The following CCDC138 variants were observed in gnomAD, a reference collection of about 807,000 sequenced individuals.
CCDC138 encodes coiled-coil domain containing 138, also known as coiled-coil domain-containing protein 138.
Under a neutral mutation model 82.3 loss-of-function variants are expected in CCDC138, and 66 were observed. The observed-to-expected ratio is 0.80, with a 90% confidence interval of 0.66 to 0.98. The LOEUF (loss-of-function observed/expected upper bound fraction) is 0.98. Ranked by LOEUF, CCDC138 falls within the 50% of genes least tolerant of loss-of-function variation. CCDC138 has a pLI of 0.00. For missense variants in CCDC138, 816 were observed against 758.9 expected, an observed-to-expected ratio of 1.08 and a Z score of -0.88; for synonymous variants, 297 against 265.4, an observed-to-expected ratio of 1.12 and a Z score of -1.16.
rs192789766 is a variant in CCDC138 at position 108,847,342 on chromosome 2, A to G, written c.1516+412A>G. Among the ~76,000 whole-genome samples, 164 of 152,316 alleles carry G rather than the reference A, an allele frequency of 1.1e-3. 4 individuals are homozygous for G. The highest frequency in any genetic ancestry group is 3.9e-4 in the East Asian group (2 of 5,182). On this transcript the variant is annotated intron_variant, in intron 12 of 14. Coordinates refer to ENST00000295124, the MANE Select transcript of CCDC138 (RefSeq NM_144978.3). ...CATGCTCATTTGTTGTATATTGTCTATGACTCTTTGCCCTACAGTGACAGA... is the reference window on the plus strand; with the variant it reads ...CATGCTCATTTGTTGTATATTGTCTGTGACTCTTTGCCCTACAGTGACAGA...
At chr2:108,844,534 G>A (rs955534130) in intron 11 of CCDC138, among the ~76,000 whole-genome samples, 1 of 152,142 alleles carries the variant, frequency 6.6e-6, no homozygotes, top group African/African-American at 2.4e-5. Context: ...TCCTGTCGGT[G>A]TTGGCAGCTG....
intron 14 of CCDC138, 128 bp downstream of exon 14, chr2:108,873,717 A>G (rs931435415): frequency 3.0e-5 from 18 of 590,474 alleles, no homozygotes; most frequent in African/African-American, 2.8e-4. Flanking sequence ...TGTGCCACAC[A>G]TAAAATACGC....
chr2:108,789,083 T>C (rs190670190), intron 3 of CCDC138, 117 bp downstream of exon 3: 274 of 930,058 alleles, frequency 2.9e-4, no homozygotes, highest in African/African-American at 2.3e-3. Context: ...AGGACAAGTA[T>C]AAGGCAGTCT....
chr2:108,881,422 CTT>C (rs1407521182), downstream of CCDC138, among the ~76,000 whole-genome samples: 1 of 152,254 alleles, frequency 6.6e-6, no homozygotes, highest in African/African-American at 2.4e-5. Context: ...ACCACTAAAA[CTT>C]TCTCCTTATC....
intron 5 of CCDC138, 91 bp from the exon 6 acceptor site, chr2:108,798,337 A>T: frequency 2.1e-6 from 3 of 1,435,074 alleles, no homozygotes; most frequent in Non-Finnish European, 2.8e-6. Context: ...CCTGAAAACC[A>T]CTTGGTTAAA....
Position 108,860,935 on chromosome 2 carries a change from CTTTTTTTTTTT to C in CCDC138, c.1693+3978_1693+3988del, listed in dbSNP as rs70956282. Reference sequence around the variant, plus strand: ...GGCTGTGAATCCATCTGGTCCAGGACTTTTTTTTTTTTTTTTTTTTTTTGGTTGGTAAGGTA... The same window carrying C: ...GGCTGTGAATCCATCTGGTCCAGGACTTTTTTTTTTTTGGTTGGTAAGGTA... On this transcript the variant is annotated intron_variant, in intron 13 of 14. Coordinates refer to ENST00000295124, the MANE Select transcript of CCDC138 (RefSeq NM_144978.3). 3.4e-4 allele frequency among the ~76,000 whole-genome samples: 13 copies of C among 37,914 alleles called. 1 individual carries two copies. Among genetic ancestry groups the C allele is most frequent in the Admixed American group, 1.0e-3 (2 of 1,986 alleles). 24.9% of individuals were successfully genotyped at this position (37,914 alleles called of 152,430 possible).
intron 7 of CCDC138, among the ~76,000 whole-genome samples, chr2:108,807,824 G>A (rs900304468): frequency 2.0e-5 from 3 of 152,068 alleles, no homozygotes; most frequent in African/African-American, 7.2e-5. Flanking sequence ...CACCATGTTG[G>A]CCAGGGTGGT....
At chr2:108,820,480 TTCAAGAAAC>T (rs1312217689) in intron 10 of CCDC138, among the ~76,000 whole-genome samples, 1 of 151,722 alleles carries the variant, frequency 6.6e-6, no homozygotes, top group African/African-American at 2.4e-5. Context: ...GGCATACAAG[TTCAAGAAAC>T]TCAAGGAACT....
chr2:108,832,120 C>T (rs546004219), intron 10 of CCDC138, among the ~76,000 whole-genome samples: 1 of 152,000 alleles, frequency 6.6e-6, no homozygotes, highest in African/African-American at 2.4e-5. Context: ...ACCTCCGCCT[C>T]CTGGGTTCAA....
intron 13 of CCDC138, among the ~76,000 whole-genome samples, chr2:108,857,174 G>C (rs1692762084): frequency 2.3e-5 from 3 of 128,690 alleles, no homozygotes; most frequent in African/African-American, 5.7e-5. Context: ...TGACTCCCTG[G>C]TTCAAGCAAT....
At chr2:108,831,702 T>TTCCTTCCG (rs1687668840) in intron 10 of CCDC138, among the ~76,000 whole-genome samples, 1 of 141,430 alleles carries the variant, frequency 7.1e-6, no homozygotes, top group Non-Finnish European at 1.6e-5. Flanking sequence ...GCACAGAATC[T>TTCCTTCCG]TCCTTCCTTC....
chr2:108,845,901 C>A (rs775426456), intron 11 of CCDC138, among the ~76,000 whole-genome samples: 1 of 152,110 alleles, frequency 6.6e-6, no homozygotes, highest in Non-Finnish European at 1.5e-5. Flanking sequence ...ATATCAAATA[C>A]CATTAGATCA....
At chr2:108,835,481 A>G (rs905274982) in intron 10 of CCDC138, among the ~76,000 whole-genome samples, 3 of 152,182 alleles carry the variant, frequency 2.0e-5, no homozygotes, top group Admixed American at 2.0e-4. Flanking sequence ...TTCACCACTG[A>G]TAACAGCGAT....
intron 6 of CCDC138, among the ~76,000 whole-genome samples, chr2:108,800,313 G>A (rs1359286142): frequency 1.3e-5 from 2 of 152,168 alleles, no homozygotes; most frequent in Admixed American, 1.3e-4. Flanking sequence ...CATCCAGGCT[G>A]GAGTACAGTG....
intron 13 of CCDC138, among the ~76,000 whole-genome samples, chr2:108,872,065 T>A (rs1050501670): frequency 6.6e-6 from 1 of 152,244 alleles, no homozygotes; most frequent in Admixed American, 6.5e-5. Flanking sequence ...TGAGAATGCC[T>A]GAGGCTTTTA....
intron 11 of CCDC138, among the ~76,000 whole-genome samples, chr2:108,841,927 T>C (rs998011917): frequency 6.6e-6 from 1 of 152,180 alleles, no homozygotes; most frequent in Non-Finnish European, 1.5e-5. Flanking sequence ...CTAATAGTTC[T>C]TCTTGGTATT....
At chr2:108,795,389 C>T (rs1680707383) in intron 5 of CCDC138, among the ~76,000 whole-genome samples, 1 of 152,076 alleles carries the variant, frequency 6.6e-6, no homozygotes, top group African/African-American at 2.4e-5. Flanking sequence ...CTTCTGACCT[C>T]AGGTGATCTG....
chr2:108,862,114 A>G (rs1693729850), intron 13 of CCDC138, among the ~76,000 whole-genome samples: 1 of 146,598 alleles, frequency 6.8e-6, no homozygotes, highest in South Asian at 2.1e-4. Flanking sequence ...TTTCCTGAGC[A>G]TGTGGTCAGT....
At chr2:108,798,963 T>A (rs985023554) in intron 6 of CCDC138, among the ~76,000 whole-genome samples, 1 of 152,116 alleles carries the variant, frequency 6.6e-6, no homozygotes, top group Non-Finnish European at 1.5e-5. Context: ...TTAGCGCATA[T>A]CAGGAAATTA....
Sources: allele counts gnomAD v4.1 joint callset (sites outside exome capture counted in the v4.1 genomes callset), GRCh38; gene constraint gnomAD v4.1.1; transcripts MANE v1.5; gene names NCBI Gene and HGNC (gene_info 2026-07-23, HGNC 2026-07-21).